Variants in HEMK2 observed in about 807,000 individuals in gnomAD.
The protein encoded by HEMK2 is HemK methyltransferase 2, ETF1 glutamine and histone H4 lysine.
At chr21:28,601,336 T>C in the HEMK2 span, among the ~76,000 whole-genome samples, 2 of 152,324 alleles carry the variant, frequency 1.3e-5, no homozygotes, top group East Asian at 3.9e-4. Flanking sequence ...CCTCACCCCC[T>C]GTTCCCCAGC....
chr21:28,596,024 T>C, the HEMK2 span, among the ~76,000 whole-genome samples: 41 of 151,586 alleles, frequency 2.7e-4, no homozygotes, highest in African/African-American at 8.7e-4. Context: ...GACCTCATGA[T>C]CTGCCCGCCT....
At chr21:28,728,785 T>A in the HEMK2 span, among the ~76,000 whole-genome samples, 1 of 152,244 alleles carries the variant, frequency 6.6e-6, no homozygotes. Flanking sequence ...TTTAAATACT[T>A]TTTTAACAGA....
At chr21:28,674,280 T>TA in the HEMK2 span, among the ~76,000 whole-genome samples, 1 of 152,142 alleles carries the variant, frequency 6.6e-6, no homozygotes, top group African/African-American at 2.4e-5. Context: ...GAAATAACCA[T>TA]AAAAAATTGG....
chr21:28,828,023 T>C, the HEMK2 span, among the ~76,000 whole-genome samples: 11 of 152,218 alleles, frequency 7.2e-5, no homozygotes, highest in Non-Finnish European at 1.3e-4. Context: ...GAGTATCAGG[T>C]AACTTACCCC....
At chr21:28,885,333 T>A in the HEMK2 span, 1 of 1,578,992 alleles carries the variant, frequency 6.3e-7, no homozygotes, top group Non-Finnish European at 8.7e-7. Context: ...GTAGCGAAGT[T>A]CTCCCCTGCC....
At chr21:28,707,827 T>C in the HEMK2 span, among the ~76,000 whole-genome samples, 1 of 152,180 alleles carries the variant, frequency 6.6e-6, no homozygotes, top group South Asian at 2.1e-4. Flanking sequence ...AAAGGGTATA[T>C]GTATATCAAA....
At chr21:28,576,779 C>T in the HEMK2 span, among the ~76,000 whole-genome samples, 30 of 152,080 alleles carry the variant, frequency 2.0e-4, no homozygotes, top group African/African-American at 6.0e-4. Context: ...GGTGCAATCT[C>T]GGTTCACTGC....
the HEMK2 span, among the ~76,000 whole-genome samples, chr21:28,860,676 T>TGA: frequency 5.0e-5 from 6 of 121,126 alleles, no homozygotes; most frequent in African/African-American, 1.6e-4. Flanking sequence ...GAGCTGAAAC[T>TGA]GAAAAAACAG....
At chr21:28,812,509 C>A in the HEMK2 span, among the ~76,000 whole-genome samples, 1 of 152,220 alleles carries the variant, frequency 6.6e-6, no homozygotes, top group African/African-American at 2.4e-5. Flanking sequence ...TGGTGGATAA[C>A]CTTTTTGATG....
the HEMK2 span, among the ~76,000 whole-genome samples, chr21:28,629,499 A>G: frequency 6.6e-6 from 1 of 152,238 alleles, no homozygotes; most frequent in Non-Finnish European, 1.5e-5. Context: ...TAATATAAAC[A>G]AATGCTCATG....
chr21:28,667,029 G>A, the HEMK2 span, among the ~76,000 whole-genome samples: 1 of 152,102 alleles, frequency 6.6e-6, no homozygotes, highest in African/African-American at 2.4e-5. Flanking sequence ...CTATCACCTA[G>A]CTATGCAACT....
the HEMK2 span, chr21:28,873,412 T>C: frequency 1.3e-5 from 2 of 152,322 alleles, no homozygotes; most frequent in Non-Finnish European, 2.9e-5. Context: ...TCACAGTCTG[T>C]GTTTCTGTAA....
the HEMK2 span, among the ~76,000 whole-genome samples, chr21:28,757,349 G>A: frequency 6.6e-6 from 1 of 152,126 alleles, no homozygotes; most frequent in East Asian, 1.9e-4. Flanking sequence ...AAGATGAAAG[G>A]GAAACAAATT....
the HEMK2 span, among the ~76,000 whole-genome samples, chr21:28,698,137 T>C: frequency 6.6e-6 from 1 of 152,164 alleles, no homozygotes; most frequent in African/African-American, 2.4e-5. Context: ...TGTATTGCAG[T>C]TTAACTATCA....
the HEMK2 span, among the ~76,000 whole-genome samples, chr21:28,879,620 T>G: frequency 6.6e-6 from 1 of 152,362 alleles, no homozygotes; most frequent in East Asian, 1.9e-4. Flanking sequence ...TATTTGAATA[T>G]ATGAATATAA....
the HEMK2 span, among the ~76,000 whole-genome samples, chr21:28,826,715 T>C: frequency 6.6e-6 from 1 of 152,200 alleles, no homozygotes; most frequent in African/African-American, 2.4e-5. Flanking sequence ...ACTGAACTAA[T>C]CCATCCTCCC....
At chr21:28,845,230 C>G in the HEMK2 span, among the ~76,000 whole-genome samples, 1 of 152,072 alleles carries the variant, frequency 6.6e-6, no homozygotes, top group African/African-American at 2.4e-5. Flanking sequence ...TCATTTCACA[C>G]TAAAATGAAC....
At chr21:28,857,909 C>T in the HEMK2 span, among the ~76,000 whole-genome samples, 1 of 152,190 alleles carries the variant, frequency 6.6e-6, no homozygotes, top group African/African-American at 2.4e-5. Context: ...TTCATACAAA[C>T]AGTATCCAGA....
the HEMK2 span, among the ~76,000 whole-genome samples, chr21:28,782,701 T>C: frequency 1.3e-5 from 2 of 152,152 alleles, no homozygotes; most frequent in Non-Finnish European, 2.9e-5. Context: ...CGGAGAGTGA[T>C]TGCTAATGAG....
Sources: gnomAD v4.1 joint callset for allele counts (sites outside exome capture counted in the v4.1 genomes callset) on GRCh38, gnomAD v4.1.1 for gene constraint, MANE v1.5 for transcripts, NCBI Gene and HGNC (gene_info 2026-07-23, HGNC 2026-07-21) for gene names.